Variants in CSMD1 observed in about 807,000 individuals in gnomAD.
CSMD1 encodes CUB and sushi domain-containing protein 1.
CSMD1 carries 213 observed loss-of-function variants against 417.5 expected under a neutral mutation model. The ratio of observed to expected loss-of-function variants is 0.51; its 90% confidence interval spans 0.46 to 0.57. The LOEUF (loss-of-function observed/expected upper bound fraction) is 0.57. Among genes scored for constraint, CSMD1 ranks in the 20% least tolerant of loss-of-function variants. CSMD1 has a pLI of 0.00. For synonymous variants in CSMD1, 2,862 were observed against 1,736.8 expected (o/e 1.65, Z -16.11); for missense variants, 6,923 against 4,529.7 (o/e 1.53, Z -15.17).
chr8:4,361,395 C>G (rs1408380031), intron 3 of CSMD1, among the ~76,000 whole-genome samples: 1 of 64,426 alleles, frequency 1.6e-5, no homozygotes, highest in Non-Finnish European at 2.7e-5. Flanking sequence ...GAAGGGCTAA[C>G]TGTGTCTCAG....
chr8:4,840,120 G>A (rs1051044186), intron 1 of CSMD1, among the ~76,000 whole-genome samples: 1 of 10,944 alleles, frequency 9.1e-5, no homozygotes, highest in East Asian at 0.038. Flanking sequence ...ACTCCACGGA[G>A]GCACTTGCCA....
At chr8:4,805,890 T>C (rs924347286) in intron 1 of CSMD1, among the ~76,000 whole-genome samples, 5 of 152,106 alleles carry the variant, frequency 3.3e-5, no homozygotes, top group Non-Finnish European at 7.4e-5. Flanking sequence ...ACGTAACCAT[T>C]CATGGTGACT....
At chr8:4,803,568 A>C (rs181859245) in intron 1 of CSMD1, among the ~76,000 whole-genome samples, 12 of 152,192 alleles carry the variant, frequency 7.9e-5, no homozygotes, top group Non-Finnish European at 1.5e-4. Flanking sequence ...TTATTTATAA[A>C]ATCGAAAGCC....
intron 3 of CSMD1, among the ~76,000 whole-genome samples, chr8:4,355,918 T>TG (rs1801404035): frequency 7.9e-6 from 1 of 126,882 alleles, no homozygotes; most frequent in South Asian, 2.8e-4. Flanking sequence ...TTGAATCAGC[T>TG]GTTTTTTTGT....
intron 10 of CSMD1, among the ~76,000 whole-genome samples, chr8:3,567,937 C>T (rs552700593): frequency 6.8e-4 from 103 of 152,244 alleles, no homozygotes; most frequent in Non-Finnish European, 1.4e-3. Context: ...TCCCCATGGA[C>T]GCCGGAGATG....
At chr8:3,864,428 G>C (rs1342700456) in intron 5 of CSMD1, among the ~76,000 whole-genome samples, 2 of 152,114 alleles carry the variant, frequency 1.3e-5, no homozygotes, top group African/African-American at 4.8e-5. Flanking sequence ...TGAGAAGAAA[G>C]GAATACAGTA....
chr8:4,713,558 C>A (rs920858710), intron 1 of CSMD1, among the ~76,000 whole-genome samples: 2 of 152,112 alleles, frequency 1.3e-5, no homozygotes, highest in South Asian at 4.2e-4. Context: ...GCTGCCACCA[C>A]GCCTAGTTAA....
At chr8:3,334,424 T>A (rs1212883442) in intron 23 of CSMD1, among the ~76,000 whole-genome samples, 1 of 152,206 alleles carries the variant, frequency 6.6e-6, no homozygotes, top group Non-Finnish European at 1.5e-5. Flanking sequence ...AGCCACTCTC[T>A]CATTTATAGT....
intron 5 of CSMD1, among the ~76,000 whole-genome samples, chr8:3,885,456 T>G (rs916632611): frequency 5.3e-5 from 8 of 152,122 alleles, no homozygotes; most frequent in African/African-American, 1.9e-4. Context: ...AAAGCTGAAG[T>G]ACAAATTTCT....
chr8:3,523,853 G>C (rs1032115324), intron 10 of CSMD1, among the ~76,000 whole-genome samples: 1 of 108,444 alleles, frequency 9.2e-6, no homozygotes, highest in African/African-American at 3.7e-5. Context: ...ACATGTGCAT[G>C]CGCATGCACA....
intron 1 of CSMD1, among the ~76,000 whole-genome samples, chr8:4,657,405 T>A (rs1356334097): frequency 6.6e-6 from 1 of 152,188 alleles, no homozygotes; most frequent in Non-Finnish European, 1.5e-5. Flanking sequence ...CTTATTCATG[T>A]CCATTCCCTT....
At chr8:4,162,975 A>T (rs35055039) in intron 3 of CSMD1, among the ~76,000 whole-genome samples, 59,012 of 151,986 alleles carry the variant, frequency 0.39, 11,686 homozygotes, top group Middle Eastern at 0.5. Flanking sequence ...GCCCTAGAGT[A>T]GGAATCACAA....
chr8:3,399,280 A>C (rs1811889768), intron 16 of CSMD1, 111 bp downstream of exon 16: 10 of 968,916 alleles, frequency 1.0e-5, no homozygotes, highest in Non-Finnish European at 1.5e-5. Flanking sequence ...GTGTGCTCCT[A>C]TGCGGGAACC....
chr8:3,877,805 T>C (rs371521425), intron 5 of CSMD1, among the ~76,000 whole-genome samples: 72 of 152,326 alleles, frequency 4.7e-4, no homozygotes, highest in African/African-American at 1.5e-3. Context: ...TGGAACATTA[T>C]CATGGAGATT....
At chr8:3,848,742 G>C (rs540900677) in intron 5 of CSMD1, among the ~76,000 whole-genome samples, 1 of 152,114 alleles carries the variant, frequency 6.6e-6, no homozygotes, top group African/African-American at 2.4e-5. Context: ...AGGTGGTCCT[G>C]AACTACATGT....
At chr8:4,210,225 A>G (rs1014868760) in intron 3 of CSMD1, among the ~76,000 whole-genome samples, 2 of 152,188 alleles carry the variant, frequency 1.3e-5, no homozygotes, top group African/African-American at 4.8e-5. Context: ...CATGCTGGGC[A>G]TGACTTTCTC....
intron 5 of CSMD1, among the ~76,000 whole-genome samples, chr8:3,903,651 T>A (rs536884976): frequency 6.6e-6 from 1 of 152,162 alleles, no homozygotes; most frequent in Non-Finnish European, 1.5e-5. Flanking sequence ...AAGGTTCTTG[T>A]TCCTTACAAA....
intron 3 of CSMD1, among the ~76,000 whole-genome samples, chr8:4,268,759 A>AC (rs1444260677): frequency 6.6e-6 from 1 of 152,086 alleles, no homozygotes; most frequent in African/African-American, 2.4e-5. Flanking sequence ...GCTAAAAAAA[A>AC]AACCCACAAA....
At chr8:4,915,263 A>T (rs1417338204) in intron 1 of CSMD1, among the ~76,000 whole-genome samples, 2 of 151,950 alleles carry the variant, frequency 1.3e-5, no homozygotes, top group Non-Finnish European at 2.9e-5. Context: ...TAACACAAAT[A>T]CTCCAATTCA....
Sources: gnomAD v4.1 joint callset for allele counts (sites outside exome capture counted in the v4.1 genomes callset) on GRCh38, gnomAD v4.1.1 for gene constraint, MANE v1.5 for transcripts, NCBI Gene and HGNC (gene_info 2026-07-23, HGNC 2026-07-21) for gene names.